Variants in C9orf72 observed in about 807,000 individuals in gnomAD.
C9orf72 encodes the protein C9orf72-SMCR8 complex subunit, also known as guanine nucleotide exchange factor C9orf72.
In C9orf72, 44 loss-of-function variants were observed where a neutral mutation model predicts 51.6. The ratio of observed to expected loss-of-function variants is 0.85; its 90% CI spans 0.67 to 1.10. The LOEUF is 1.10. Ranked by LOEUF, C9orf72 falls within the 50% of genes least tolerant of loss-of-function variation. The probability of loss-of-function intolerance (pLI) is 0.00; values close to 1 mark genes in which losing one functional copy is unlikely to be tolerated. For missense variants in C9orf72, 607 were observed against 570.6 expected, an observed-to-expected ratio of 1.06 and a Z score of -0.65; for synonymous variants, 213 against 194.2, an observed-to-expected ratio of 1.10 and a Z score of -0.81.
chr9:27,554,517 T>C (rs1587304197), intron 8 of C9orf72: 1 of 398,184 alleles, frequency 2.5e-6, no homozygotes, highest in East Asian at 3.6e-5. Flanking sequence ...ATCAAAAAAC[T>C]ACCTATTGGG....
At chr9:27,552,915 G>A (rs1248019755) in intron 8 of C9orf72, among the ~76,000 whole-genome samples, 1 of 152,038 alleles carries the variant, frequency 6.6e-6, no homozygotes, top group South Asian at 2.1e-4. Context: ...CAAGGATATT[G>A]GCCTGAAGTT....
At chr9:27,548,498 G>A in intron 10 of C9orf72, 59 bp downstream of exon 10, 1 of 1,330,294 alleles carries the variant, frequency 7.5e-7, no homozygotes, top group Non-Finnish European at 1.0e-6. Flanking sequence ...ATGTACAAAG[G>A]AAACAAAACA....
chr9:27,573,494 C>T, upstream of C9orf72: 1 of 109,712 alleles, frequency 9.1e-6, no homozygotes, highest in Non-Finnish European at 2.0e-5. Flanking sequence ...AGCCCCGCCC[C>T]GGGCCCGCCC....
At chr9:27,549,762 C>T (rs191989429) in intron 9 of C9orf72, among the ~76,000 whole-genome samples, 16 of 137,560 alleles carry the variant, frequency 1.2e-4, no homozygotes, top group African/African-American at 3.5e-4. Flanking sequence ...GGCAAATAAA[C>T]AACCTCCCTT....
chr9:27,561,410 T>C (rs924170155), intron 5 of C9orf72, 175 bp downstream of exon 5: 32 of 1,378,502 alleles, frequency 2.3e-5, no homozygotes, highest in Non-Finnish European at 2.9e-5. Flanking sequence ...ACCAAATATA[T>C]ATAGAAATAT....
chr9:27,573,729 C>T (rs936872938), upstream of C9orf72: 3 of 152,332 alleles, frequency 2.0e-5, no homozygotes, highest in Non-Finnish European at 4.4e-5. Flanking sequence ...CACACCTGCT[C>T]TTGCTAGACC....
At chr9:27,557,559 G>C (rs1471835638) in intron 7 of C9orf72, among the ~76,000 whole-genome samples, 1 of 151,964 alleles carries the variant, frequency 6.6e-6, no homozygotes, top group Admixed American at 6.6e-5. Context: ...ATTTCCTCTA[G>C]GCATCTGGTA....
At chr9:27,557,434 A>G (rs1819229939) in intron 7 of C9orf72, among the ~76,000 whole-genome samples, 1 of 152,158 alleles carries the variant, frequency 6.6e-6, no homozygotes, top group African/African-American at 2.4e-5. Flanking sequence ...TTTTACTATT[A>G]TAATGCTGTG....
At chr9:27,556,033 T>A (rs1821004156) in intron 8 of C9orf72, among the ~76,000 whole-genome samples, 1 of 151,920 alleles carries the variant, frequency 6.6e-6, no homozygotes, top group African/African-American at 2.4e-5. Flanking sequence ...CCTTTTGAAT[T>A]TACTGTTCAG....
chr9:27,555,845 G>A (rs186754525), intron 8 of C9orf72, among the ~76,000 whole-genome samples: 1 of 152,160 alleles, frequency 6.6e-6, no homozygotes, highest in East Asian at 1.9e-4. Context: ...TTACAGGCAT[G>A]AGCTACTGTG....
At chr9:27,556,519 A>C in intron 8 of C9orf72, 42 bp downstream of exon 8, 4 of 1,302,878 alleles carry the variant, frequency 3.1e-6, no homozygotes, top group Non-Finnish European at 4.4e-6. Context: ...ACACAATTTC[A>C]TATTGCTTGA....
At position 27,566,838 on chromosome 9, in the gene C9orf72, C is replaced by T. The variant is rs547548706; in HGVS notation, c.283G>A (p.Val95Ile). The T allele has an allele frequency of 6.2e-7, 1 of 1,613,928 alleles. No homozygotes were observed. The highest frequency in any genetic ancestry group is 8.5e-7 in the Non-Finnish European group (1 of 1,179,912). The stretch of plus-strand genomic sequence containing the variant: ...CAGTTTCCATCAAAGATTAATGAAA[C>T]AATAATCACTCCCTTTTCAGACAAG... ...FVLSEKGVII[V>I]SLIFDGNWNG... The change falls in exon 2 of 11, where the codon GTT becomes ATT. Residue 95 changes from valine (V) to isoleucine (I), a missense_variant. Physicochemically the swap from Val to Ile is conservative, Grantham distance 29 (BLOSUM62 3). Transcript: ENST00000380003.
At chr9:27,549,437 G>A (rs149573547) in intron 9 of C9orf72, among the ~76,000 whole-genome samples, 1 of 152,196 alleles carries the variant, frequency 6.6e-6, no homozygotes, top group East Asian at 1.9e-4. Context: ...ATGTCAGCTT[G>A]AGAAGCATGA....
chr9:27,563,991 T>G (rs1190143206), intron 3 of C9orf72, among the ~76,000 whole-genome samples: 1 of 152,096 alleles, frequency 6.6e-6, no homozygotes, highest in Non-Finnish European at 1.5e-5. Flanking sequence ...AAAGTCGTTG[T>G]GAGATTTGCA....
chr9:27,552,515 ATTTTT>A (rs71492751), intron 8 of C9orf72, among the ~76,000 whole-genome samples: 2 of 105,624 alleles, frequency 1.9e-5, no homozygotes, highest in East Asian at 2.9e-4. Context: ...TACCAAGCTA[ATTTTT>A]TTTTTTTTTT....
chr9:27,560,285 T>C lies in C9orf72; in HGVS notation c.680A>G (p.His227Arg). The change falls in exon 6 of 11, where the codon CAC (histidine) becomes CGC (arginine). Residue 227 changes from histidine to arginine, a missense_variant. By Grantham distance (29) the His-to-Arg change is conservative. Transcript: ENST00000380003. ...AACGGAACAGCCACAGGTTTGCAAG[T>C]GTGAGCTGATGGCACTGTAAGTTAA... Reference protein sequence around the residue: ...EGFLLNAISSHLQTCGCSVVV... With the variant: ...EGFLLNAISSRLQTCGCSVVV... 1 of 1,609,922 alleles carries C rather than the reference T, an allele frequency of 6.2e-7. No individual in the cohort carries two copies. Among genetic ancestry groups the C allele is most frequent in the Non-Finnish European group, 8.5e-7 (1 of 1,177,586 alleles).
chr9:27,562,073 T>A (rs1467106048), intron 4 of C9orf72, among the ~76,000 whole-genome samples: 1 of 152,212 alleles, frequency 6.6e-6, no homozygotes, highest in Non-Finnish European at 1.5e-5. Context: ...CAGTTTTGTT[T>A]CAAAAGACAC....
At chr9:27,554,404 G>A (rs764460012) in intron 8 of C9orf72, among the ~76,000 whole-genome samples, 2 of 152,102 alleles carry the variant, frequency 1.3e-5, no homozygotes, top group Non-Finnish European at 2.9e-5. Flanking sequence ...ACCAACTACC[G>A]CATGTTCTCA....
rs1007798403 is a variant in C9orf72, at chr9:27,548,215, T to C, written c.*21A>G. On this transcript the variant is annotated 3_prime_UTR_variant, in exon 11 of 11. Coordinates refer to ENST00000380003, the MANE Select transcript of C9orf72 (RefSeq NM_018325.5). ...ACCAGCGATCATGATTGTGATGGAA[T>C]AGGCTTATTAAGTTACACATTTAAA... The C allele has an allele frequency of 1.9e-6, 3 of 1,575,702 alleles. No homozygotes were observed. The African/African-American group carries it at 4.1e-5, about 21-fold the overall frequency.
Sources: gnomAD v4.1 joint callset for allele counts (sites outside exome capture counted in the v4.1 genomes callset) on GRCh38, gnomAD v4.1.1 for gene constraint, MANE v1.5 for transcripts, NCBI Gene and HGNC (gene_info 2026-07-23, HGNC 2026-07-21) for gene names.